ZFYVE26: variants seen among roughly 807,000 people sequenced by gnomAD.
The protein encoded by ZFYVE26 is zinc finger FYVE-type containing 26.
ZFYVE26 carries 181 observed loss-of-function variants against 276.5 expected under a neutral mutation model. The observed-to-expected ratio is 0.65, with a 90% CI of 0.58 to 0.74. ZFYVE26 has a LOEUF of 0.74. Among genes scored for constraint, ZFYVE26 ranks in the 30% least tolerant of loss-of-function variants. The probability of loss-of-function intolerance (pLI) is 0.00; values close to 1 mark genes in which losing one functional copy is unlikely to be tolerated. For synonymous variants in ZFYVE26, 1,129 were observed against 1,203.1 expected (o/e 0.94, Z 1.27); for missense variants, 2,821 against 3,097.9 (o/e 0.91, Z 2.12).
At chr14:67,754,030 G>C in intron 38 of ZFYVE26, 41 bp downstream of exon 38, 2 of 1,613,950 alleles carry the variant, frequency 1.2e-6, no homozygotes, top group Non-Finnish European at 1.7e-6. Flanking sequence ...TGTTCTAAAA[G>C]ATGACAATAG....
intron 13 of ZFYVE26, among the ~76,000 whole-genome samples, chr14:67,736,908 T>C (rs1448524162): frequency 6.6e-6 from 1 of 151,790 alleles, no homozygotes; most frequent in African/African-American, 2.4e-5. Context: ...CTGTCTTGAA[T>C]TGAGGAAAGG....
At chr14:67,798,925 T>G (rs1420027470) in intron 10 of ZFYVE26, 1 of 1,056,754 alleles carries the variant, frequency 9.5e-7, no homozygotes, top group African/African-American at 1.5e-5. Context: ...TGAGCTCCGC[T>G]TGGCGCCTCT....
intron 28 of ZFYVE26, chr14:67,770,383 G>C (rs561729221): frequency 6.8e-6 from 1 of 146,222 alleles, no homozygotes; most frequent in East Asian, 2.2e-4. Flanking sequence ...AGAATTGCTT[G>C]AATCCAGGAA....
chr14:67,798,106 C>G lies in ZFYVE26; in HGVS notation c.2156G>C (p.Arg719Thr). The G allele has an allele frequency of 6.2e-7, 1 of 1,614,184 alleles. No individual in the cohort carries two copies. Among genetic ancestry groups the G allele is most frequent in the Non-Finnish European group, 8.5e-7 (1 of 1,180,024 alleles). Residue 719 changes from arginine (R) to threonine (T), a missense_variant, in exon 11 of 42, where the codon AGA becomes ACA. By Grantham distance (71) the Arg-to-Thr change is moderately conservative (BLOSUM62 -1). Coordinates refer to ENST00000347230, the MANE Select transcript of ZFYVE26 (RefSeq NM_015346.4). ...ATGCAGGCGGCTCTGCAGTCCATCT[C>G]TGCTTCCTGAGCAGCTCTGACTTTC... ...KQESQSCSGS[R>T]DGLQSRLHRL...
At chr14:67,736,359 TA>T (rs1219202408) in intron 13 of ZFYVE26, among the ~76,000 whole-genome samples, 5 of 152,254 alleles carry the variant, frequency 3.3e-5, no homozygotes, top group Non-Finnish European at 5.9e-5. Flanking sequence ...TTGATATCGC[TA>T]TCATATTTTC....
At chr14:67,799,657 T>A in intron 10 of ZFYVE26, 1 of 1,288,666 alleles carries the variant, frequency 7.8e-7, no homozygotes, top group Non-Finnish European at 1.1e-6. Flanking sequence ...GATGCCATGG[T>A]AGGCAAGGTG....
intron 12 of ZFYVE26, among the ~76,000 whole-genome samples, chr14:67,795,892 A>G (rs1050329784): frequency 6.6e-6 from 1 of 152,218 alleles, no homozygotes; most frequent in South Asian, 2.1e-4. Context: ...TTACAGAAAA[A>G]TATAAACAGT....
Position 67,756,006 on chromosome 14 carries a change from T to G in ZFYVE26, c.6728A>C (p.Gln2243Pro). Residue 2243 changes from glutamine (Q) to proline (P), a missense_variant, in exon 36 of 42, where the codon CAA becomes CCA. Physicochemically the swap from Gln to Pro is moderately conservative, Grantham distance 76. Coordinates refer to ENST00000347230, the MANE Select transcript of ZFYVE26 (RefSeq NM_015346.4). ...GTAGTAGTTCTTCTTCTGTAAATGT[T>G]GGCAGGCAGCAATCAAGTACTTTCC... ...SWGKYLIAAC[Q>P]HLQKKNYYHI... The G allele has an allele frequency of 1.2e-6, 2 of 1,614,276 alleles. No individual in the cohort carries two copies. Among genetic ancestry groups the G allele is most frequent in the Non-Finnish European group, 1.7e-6 (2 of 1,180,052 alleles).
chr14:67,753,942 G>A, intron 38 of ZFYVE26, 129 bp downstream of exon 38: 3 of 1,535,630 alleles, frequency 2.0e-6, no homozygotes, highest in Non-Finnish European at 2.7e-6. Flanking sequence ...CCAGTCTTTG[G>A]TGGCTCATAT....
At chr14:67,730,443 T>C (rs1254651956) in intron 13 of ZFYVE26, among the ~76,000 whole-genome samples, 1 of 152,230 alleles carries the variant, frequency 6.6e-6, no homozygotes, top group South Asian at 2.1e-4. Context: ...TCCGGAATAT[T>C]TCAGTAAGCA....
At chr14:67,771,586 C>T (rs2039210030) in intron 28 of ZFYVE26, among the ~76,000 whole-genome samples, 1 of 152,200 alleles carries the variant, frequency 6.6e-6, no homozygotes, top group African/African-American at 2.4e-5. Context: ...CTCCATGAGC[C>T]TAAGAATATA....
Position 67,789,495 on chromosome 14 carries a change from T to C in ZFYVE26, c.2859A>G (p.Leu953=), listed in dbSNP as rs189616103. The change falls in exon 16 of 42, where the codon CTA becomes CTG. Residue 953 remains leucine (L), a synonymous_variant. Coordinates refer to ENST00000347230, the MANE Select transcript of ZFYVE26 (RefSeq NM_015346.4). The part of the protein sequence containing the change: ...LQEDFWISTA[L]VEPTAPLREV... ...CTCTCAGGGGAGCAGTGGGCTCCACTAGAGCCGTGCTTATCCAAAAGTCCT... is the reference window on the plus strand; with the variant it reads ...CTCTCAGGGGAGCAGTGGGCTCCACCAGAGCCGTGCTTATCCAAAAGTCCT... 1.9e-6 allele frequency: 3 copies of C among 1,614,148 alleles called. No homozygotes were observed. Among genetic ancestry groups the C allele is most frequent in the Non-Finnish European group, 2.5e-6 (3 of 1,180,038 alleles).
At position 67,797,762 on chromosome 14, in the gene ZFYVE26, G is replaced by A. The variant is rs1192842731; in HGVS notation, c.2249-7C>T. 6.2e-7 allele frequency: 1 copy of A among 1,613,810 alleles called. No homozygotes were observed. The highest frequency in any genetic ancestry group is 1.3e-5 in the African/African-American group (1 of 74,910). On this transcript the variant is annotated splice_region_variant and splice_polypyrimidine_tract_variant and intron_variant, in intron 11 of 41. Coordinates refer to ENST00000347230, the MANE Select transcript of ZFYVE26 (RefSeq NM_015346.4). ...CTTCGGGAAGGTTGCTCCTCTGAAA[G>A]AGCAAACCCAATGGGACAGAAAGGA...
chr14:67,750,006 G>A (rs1244761395), intron 41 of ZFYVE26, among the ~76,000 whole-genome samples: 1 of 152,192 alleles, frequency 6.6e-6, no homozygotes, highest in Non-Finnish European at 1.5e-5. Context: ...AATAAGGACT[G>A]TCTCTATTTT....
chr14:67,803,584 C>T (rs2040120260), intron 9 of ZFYVE26, among the ~76,000 whole-genome samples: 1 of 152,156 alleles, frequency 6.6e-6, no homozygotes, highest in African/African-American at 2.4e-5. Context: ...CTCAAGCAAT[C>T]CACCTGCCTC....
chr14:67,759,244 GAAA>G (rs1171265652), intron 35 of ZFYVE26, among the ~76,000 whole-genome samples: 4 of 81,644 alleles, frequency 4.9e-5, no homozygotes, highest in Non-Finnish European at 6.9e-5. Flanking sequence ...GACTCTGTCT[GAAA>G]AAAAAAAAAA....
chr14:67,784,182 T>C (rs1390487469), intron 20 of ZFYVE26, 152 bp downstream of exon 20: 25 of 739,244 alleles, frequency 3.4e-5, no homozygotes, highest in Non-Finnish European at 5.8e-5. Context: ...ACAAGGCACA[T>C]TAAATTTTCA....
intron 12 of ZFYVE26, chr14:67,797,039 T>G (rs1860373874): frequency 6.5e-6 from 1 of 152,970 alleles, no homozygotes; most frequent in African/African-American, 2.4e-5. Context: ...AAGTTAACAA[T>G]TATAAATATA....
In ZFYVE26 at chr14:67,762,648, GCTTTGTCTTTGT is replaced by G; in HGVS notation, c.6159+12_6159+23del. On this transcript the variant is annotated intron_variant, in intron 33 of 41. Coordinates refer to ENST00000347230, the MANE Select transcript of ZFYVE26 (RefSeq NM_015346.4). ...ACTTGCTACAGTGGGGTGGAAGTAA[GCTTTGTCTTTGT>G]CTTTGTCTCACCTCAACGCCCAGTT... The G allele has an allele frequency of 6.2e-7, 1 of 1,611,974 alleles. No individual in the cohort carries two copies.
Sources: gnomAD v4.1 joint callset for allele counts (sites outside exome capture counted in the v4.1 genomes callset) on GRCh38, gnomAD v4.1.1 for gene constraint, MANE v1.5 for transcripts, NCBI Gene and HGNC (gene_info 2026-07-23, HGNC 2026-07-21) for gene names.